The following COL21A1 variants were observed in gnomAD, a reference collection of about 807,000 sequenced individuals.
COL21A1 encodes collagen alpha-1(XXI) chain.
In COL21A1, 149 loss-of-function variants were observed where a neutral mutation model predicts 137.9. The ratio of observed to expected loss-of-function variants is 1.08; its 90% CI spans 0.95 to 1.24. COL21A1 has a LOEUF of 1.24. Among genes scored for constraint, COL21A1 ranks in the 50% most tolerant of loss-of-function variants. The pLI is 0.00. For synonymous variants in COL21A1, 456 were observed against 391.5 expected, an observed-to-expected ratio of 1.16 and a Z score of -1.95; for missense variants, 1,167 against 1,158.4, an observed-to-expected ratio of 1.01 and a Z score of -0.11.
chr6:56,182,180 C>A (rs552259412), intron 2 of COL21A1, among the ~76,000 whole-genome samples: 4 of 152,222 alleles, frequency 2.6e-5, no homozygotes, highest in African/African-American at 9.6e-5. Context: ...CTGTGCTAAG[C>A]CTTTGACATG....
In COL21A1 at chr6:56,341,962, A is replaced by T. The variant is rs1765480697; in HGVS notation, c.-39+52009T>A. Among the ~76,000 whole-genome samples, 5 of 152,248 alleles carry T rather than the reference A, an allele frequency of 3.3e-5. No homozygotes were observed. In the South Asian group the frequency reaches 1.0e-3, roughly 32 times the overall value. ...TAAAAATATTTTTGAAATTTAAAAAAATTACACTTGTAAAAAATGATACTG... is the reference window on the plus strand; with the variant it reads ...TAAAAATATTTTTGAAATTTAAAAATATTACACTTGTAAAAAATGATACTG... On this transcript the variant is annotated intron_variant, in intron 1 of 28. Coordinates refer to the COL21A1 transcript ENST00000370819.
At chr6:56,150,505 G>T (rs981112259) in intron 10 of COL21A1, among the ~76,000 whole-genome samples, 1 of 140,360 alleles carries the variant, frequency 7.1e-6, no homozygotes, top group Non-Finnish European at 1.5e-5. Context: ...GCGACAGAGC[G>T]AGACTCCATC....
At chr6:56,337,525 GT>G (rs1446102179) in intron 1 of COL21A1, among the ~76,000 whole-genome samples, 2 of 152,182 alleles carry the variant, frequency 1.3e-5, no homozygotes, top group Non-Finnish European at 2.9e-5. Flanking sequence ...CAGGTTTCTG[GT>G]TTAGGGCTTC....
At chr6:56,173,162 G>A (rs1306130294) in intron 3 of COL21A1, among the ~76,000 whole-genome samples, 2 of 151,920 alleles carry the variant, frequency 1.3e-5, no homozygotes, top group African/African-American at 4.8e-5. Context: ...CTCTAGCCTG[G>A]GCAACATGGC....
intron 12 of COL21A1, among the ~76,000 whole-genome samples, chr6:56,128,853 C>T (rs1031348303): frequency 1.2e-4 from 19 of 152,096 alleles, no homozygotes; most frequent in Admixed American, 2.6e-4. Flanking sequence ...CAGGGTTTCA[C>T]CCTGTTGGCC....
chr6:56,148,416 T>C (rs547085021), intron 10 of COL21A1, among the ~76,000 whole-genome samples: 29 of 145,926 alleles, frequency 2.0e-4, no homozygotes, highest in African/African-American at 6.6e-4. Flanking sequence ...GAGTTCAAAC[T>C]GAGGTGAGAG....
chr6:56,325,929 T>C, intron 1 of COL21A1, among the ~76,000 whole-genome samples: 1 of 24,116 alleles, frequency 4.1e-5, no homozygotes, highest in African/African-American at 2.6e-4. Context: ...ATATAATATA[T>C]ATAATATATA....
chr6:56,341,772 C>T (rs1040834779), intron 1 of COL21A1, among the ~76,000 whole-genome samples: 1 of 152,002 alleles, frequency 6.6e-6, no homozygotes, highest in Non-Finnish European at 1.5e-5. Context: ...AACAAGTGGA[C>T]GACTCTGGTG....
chr6:56,213,270 T>G (rs759652384), intron 1 of COL21A1, among the ~76,000 whole-genome samples: 3 of 152,288 alleles, frequency 2.0e-5, no homozygotes, highest in Non-Finnish European at 4.4e-5. Context: ...TTGATTAGTA[T>G]ATGGTATAGA....
chr6:56,327,364 ATAT>A (rs1214905328), intron 1 of COL21A1, among the ~76,000 whole-genome samples: 3 of 152,174 alleles, frequency 2.0e-5, no homozygotes, highest in African/African-American at 4.8e-5. Context: ...TAGAAATAAA[ATAT>A]TATTCATTTA....
At chr6:56,367,864 G>A (rs949251786) in intron 1 of COL21A1, among the ~76,000 whole-genome samples, 1 of 152,114 alleles carries the variant, frequency 6.6e-6, no homozygotes, top group African/African-American at 2.4e-5. Flanking sequence ...ACAGGCATAC[G>A]CCTCTGTGCC....
intron 1 of COL21A1, among the ~76,000 whole-genome samples, chr6:56,220,139 T>C (rs1780741331): frequency 6.6e-6 from 1 of 152,140 alleles, no homozygotes; most frequent in Admixed American, 6.6e-5. Flanking sequence ...TGCCTGCTTA[T>C]CAAATGGCAT....
chr6:56,089,526 T>G (rs1040293302), intron 17 of COL21A1, among the ~76,000 whole-genome samples: 1 of 152,226 alleles, frequency 6.6e-6, no homozygotes, highest in Admixed American at 6.5e-5. Context: ...AAAAAATTTT[T>G]CACTATATGT....
chr6:56,148,760 G>C (rs62413547), intron 10 of COL21A1, among the ~76,000 whole-genome samples: 2 of 151,882 alleles, frequency 1.3e-5, no homozygotes. Context: ...TGTCCACCCC[G>C]TCCTCTTATA....
chr6:56,317,153 T>C (rs1232021106), intron 1 of COL21A1, among the ~76,000 whole-genome samples: 1 of 152,156 alleles, frequency 6.6e-6, no homozygotes, highest in African/African-American at 2.4e-5. Context: ...AGTTTATCCC[T>C]CAACCTTGGT....
chr6:56,235,474 A>G (rs1032907066), intron 1 of COL21A1, among the ~76,000 whole-genome samples: 2 of 151,960 alleles, frequency 1.3e-5, no homozygotes, highest in African/African-American at 4.8e-5. Flanking sequence ...GAGTCACTGA[A>G]CACTCTGCAG....
At chr6:56,103,093 G>T (rs1278414157) in intron 16 of COL21A1, among the ~76,000 whole-genome samples, 2 of 152,134 alleles carry the variant, frequency 1.3e-5, no homozygotes, top group Non-Finnish European at 2.9e-5. Flanking sequence ...TAGTCAGAAG[G>T]AATCTCTCCT....
intron 16 of COL21A1, among the ~76,000 whole-genome samples, chr6:56,112,792 C>T (rs781780075): frequency 6.7e-6 from 1 of 149,050 alleles, no homozygotes; most frequent in Non-Finnish European, 1.5e-5. Context: ...TCAACCGATT[C>T]TCCTGCCTCA....
chr6:56,132,435 T>C lies in COL21A1; in HGVS notation c.1543-6286A>G, dbSNP rs138294016. 6.2e-4 allele frequency among the ~76,000 whole-genome samples: 94 copies of C among 152,204 alleles called. No homozygotes were observed. In the East Asian group the frequency reaches 0.017, roughly 27 times the overall value. ...GATTATAAAGAATAATGAGGAAGGATTAGCCCTGCCAATATTAAGTCAGAT... is the reference window on the plus strand; with the variant it reads ...GATTATAAAGAATAATGAGGAAGGACTAGCCCTGCCAATATTAAGTCAGAT... On this transcript the variant is annotated intron_variant, in intron 12 of 29. Coordinates refer to ENST00000244728, the MANE Select transcript of COL21A1 (RefSeq NM_030820.4).
Sources: gnomAD v4.1 joint callset for allele counts (sites outside exome capture counted in the v4.1 genomes callset) on GRCh38, gnomAD v4.1.1 for gene constraint, MANE v1.5 for transcripts, NCBI Gene and HGNC (gene_info 2026-07-23, HGNC 2026-07-21) for gene names.